Variants in PARP9 observed in about 807,000 individuals in gnomAD.
PARP9 encodes the protein protein mono-ADP-ribosyltransferase PARP9.
PARP9 carries 48 observed loss-of-function variants against 68.8 expected under a neutral mutation model. The ratio of observed to expected loss-of-function variants is 0.70; its 90% CI spans 0.55 to 0.89. The LOEUF is 0.89. PARP9 is among the 40% of genes least tolerant of loss of function. The pLI, the probability that PARP9 is intolerant of heterozygous loss-of-function variation, is 0.00. For missense variants in PARP9, 806 were observed against 969.3 expected (o/e 0.83, Z 2.24); for synonymous variants, 309 against 333.8 (o/e 0.93, Z 0.81).
upstream of PARP9, chr3:122,564,399 C>A (rs746821453): frequency 3.8e-6 from 6 of 1,587,714 alleles, no homozygotes; most frequent in Admixed American, 1.8e-5. Flanking sequence ...CCTCCCGGAG[C>A]CCCCGCGCCC....
intron 7 of PARP9, among the ~76,000 whole-genome samples, chr3:122,544,733 G>T (rs1285431679): frequency 6.6e-6 from 1 of 152,216 alleles, no homozygotes; most frequent in Non-Finnish European, 1.5e-5. Flanking sequence ...CTACTTGGGA[G>T]ACTTAGGTGG....
At chr3:122,547,015 C>CAT (rs1472424530) in intron 6 of PARP9, among the ~76,000 whole-genome samples, 9,106 of 76,662 alleles carry the variant, frequency 0.12, 558 homozygotes, top group Non-Finnish European at 0.16. Context: ...TATATATATA[C>CAT]ACACACACAC....
intron 10 of PARP9, among the ~76,000 whole-genome samples, chr3:122,529,595 T>C (rs1004396868): frequency 6.6e-6 from 1 of 150,966 alleles, no homozygotes; most frequent in African/African-American, 2.4e-5. Flanking sequence ...CTAAAAAAAA[T>C]ACAAAAAAAT....
chr3:122,559,070 T>C (rs966350631), intron 2 of PARP9, among the ~76,000 whole-genome samples: 3 of 152,114 alleles, frequency 2.0e-5, no homozygotes, highest in African/African-American at 7.2e-5. Flanking sequence ...ATCAACACTT[T>C]AAAAGGCCCA....
intron 7 of PARP9, among the ~76,000 whole-genome samples, chr3:122,542,678 C>T (rs2078342945): frequency 6.6e-6 from 1 of 151,696 alleles, no homozygotes; most frequent in African/African-American, 2.4e-5. Flanking sequence ...TGGGGTTTCA[C>T]CATGTTGGCC....
In PARP9 at chr3:122,559,630, C is replaced by T. The variant is rs746157035; in HGVS notation, c.-10G>A. On this transcript the variant is annotated 5_prime_UTR_variant, in exon 2 of 11. Transcript: ENST00000682323. ...CCATGGAAAAGTCCATCCTCCAGGT[C>T]CCCGGGGGAGTCTTTAAATGTTTAT... 5 of 1,588,404 alleles carry T rather than the reference C, an allele frequency of 3.1e-6. No individual in the cohort carries two copies. The South Asian group carries it at 4.8e-5, about 15-fold the overall frequency.
intron 10 of PARP9, chr3:122,532,383 C>A (rs1184388537): frequency 1.0e-6 from 1 of 985,142 alleles, no homozygotes; most frequent in Admixed American, 6.2e-5. Context: ...ATAAGCCAGA[C>A]AACCCTCCCC....
intron 9 of PARP9, 120 bp downstream of exon 9, chr3:122,536,814 A>G: frequency 4.1e-6 from 5 of 1,216,990 alleles, no homozygotes; most frequent in Non-Finnish European, 5.8e-6. Context: ...TTACTGACCT[A>G]GGATTCCAAG....
intron 7 of PARP9, among the ~76,000 whole-genome samples, chr3:122,542,189 T>G (rs2078282470): frequency 6.6e-6 from 1 of 151,414 alleles, no homozygotes; most frequent in African/African-American, 2.4e-5. Flanking sequence ...CTTCTTCTTC[T>G]TCCTCTTCTT....
chr3:122,532,495 G>A, intron 10 of PARP9: 2 of 906,326 alleles, frequency 2.2e-6, no homozygotes, highest in Non-Finnish European at 2.6e-6. Flanking sequence ...GAAAATGACT[G>A]AGTTCACCTT....
At chr3:122,548,837 A>G (rs934829563) in intron 6 of PARP9, among the ~76,000 whole-genome samples, 11 of 152,216 alleles carry the variant, frequency 7.2e-5, no homozygotes, top group Admixed American at 2.0e-4. Context: ...TACTGGAGAC[A>G]TGGCAAAACT....
chr3:122,564,087 A>G (rs1455010485), intron 1 of PARP9, 158 bp downstream of exon 1: 1 of 297,808 alleles, frequency 3.4e-6, no homozygotes, highest in African/African-American at 2.2e-5. Flanking sequence ...GTTACAAAGA[A>G]TAAGAAACAC....
intron 7 of PARP9, 23 bp from the exon 8 acceptor site, chr3:122,540,875 C>A (rs1347976634): frequency 6.4e-7 from 1 of 1,570,898 alleles, no homozygotes; most frequent in Non-Finnish European, 8.6e-7. Context: ...TAATAAGCAA[C>A]CATGGAAGAC....
intron 8 of PARP9, among the ~76,000 whole-genome samples, chr3:122,539,567 C>CTTTCTTTT (rs1347024453): frequency 1.2e-5 from 1 of 86,952 alleles, no homozygotes; most frequent in African/African-American, 4.5e-5. Context: ...TTCTTTCTTT[C>CTTTCTTTT]TTTTTTTTTT....
intron 3 of PARP9, among the ~76,000 whole-genome samples, chr3:122,556,924 C>T (rs2079736160): frequency 6.6e-6 from 1 of 152,156 alleles, no homozygotes; most frequent in African/African-American, 2.4e-5. Context: ...TCAAGCCATC[C>T]TCCCACCTCA....
intron 10 of PARP9, chr3:122,535,327 C>T (rs918483472): frequency 2.0e-6 from 2 of 985,146 alleles, no homozygotes; most frequent in Non-Finnish European, 2.4e-6. Context: ...TATGTTCTCT[C>T]CAGAACAAAG....
chr3:122,559,542 T>C (rs1477449542), intron 2 of PARP9, 64 bp downstream of exon 2: 1 of 1,488,084 alleles, frequency 6.7e-7, no homozygotes, highest in Non-Finnish European at 9.0e-7. Context: ...TTTCTTGCTG[T>C]TATATAAAGA....
chr3:122,555,662 T>A lies in PARP9; in HGVS notation c.509A>T (p.Asp170Val), dbSNP rs750317331. The A allele has an allele frequency of 2.6e-5, 42 of 1,614,126 alleles. No individual in the cohort carries two copies. The highest frequency in any genetic ancestry group is 3.5e-5 in the Non-Finnish European group (41 of 1,180,030). ...CAGCTTTCCAGTACATCCCTGTTTA[T>A]CCCATTCCATCCACCGAGGCCCAAC... ...HAVGPRWMEW[D>V]KQGCTGKLQR... Residue 170 changes from aspartate to valine, a missense_variant, in exon 4 of 11, where the codon GAT becomes GTT. Physicochemically the swap from Asp to Val is radical, Grantham distance 152. Around this residue, in one of 2 missense-constraint regions of PARP9, gnomAD observed 680 missense variants for 858.8 expected, o/e 0.79. Coordinates refer to ENST00000682323, the MANE Select transcript of PARP9 (RefSeq NM_001146105.2).
chr3:122,556,515 A>T (rs2079683671), intron 3 of PARP9, among the ~76,000 whole-genome samples: 2 of 152,196 alleles, frequency 1.3e-5, no homozygotes, highest in African/African-American at 4.8e-5. Flanking sequence ...GAAGGGACTT[A>T]ATTATGAGCC....
Sources: allele counts gnomAD v4.1 joint callset (sites outside exome capture counted in the v4.1 genomes callset), GRCh38; gene constraint gnomAD v4.1.1; regional missense constraint gnomAD v4.1.1; transcripts MANE v1.5; gene names NCBI Gene and HGNC (gene_info 2026-07-23, HGNC 2026-07-21).